The following LRRC4C variants were observed in gnomAD, a reference collection of about 807,000 sequenced individuals.
The protein encoded by LRRC4C is leucine-rich repeat-containing protein 4C.
Under a neutral mutation model 33.6 loss-of-function variants are expected in LRRC4C, and 5 were observed. The ratio of observed to expected loss-of-function variants is 0.15; its 90% CI spans 0.08 to 0.31. LRRC4C has a LOEUF of 0.31. Ranked by LOEUF, LRRC4C falls within the 10% of genes least tolerant of loss-of-function variation. The pLI is 1.00. For missense variants in LRRC4C, 560 were observed against 796.7 expected, an observed-to-expected ratio of 0.70 and a Z score of 3.58; for synonymous variants, 329 against 302.0, an observed-to-expected ratio of 1.09 and a Z score of -0.93.
At chr11:40,190,735 AT>A (rs1861769801) in intron 5 of LRRC4C, among the ~76,000 whole-genome samples, 1 of 152,178 alleles carries the variant, frequency 6.6e-6, no homozygotes, top group African/African-American at 2.4e-5. Context: ...GAAAGTAAGG[AT>A]TTCTTGAATA....
intron 3 of LRRC4C, among the ~76,000 whole-genome samples, chr11:40,383,928 TTATTA>T (rs1565336040): frequency 7.0e-6 from 1 of 143,412 alleles, no homozygotes; most frequent in African/African-American, 2.5e-5. Context: ...CAAATTATTA[TTATTA>T]TTATTATTAT....
intron 3 of LRRC4C, among the ~76,000 whole-genome samples, chr11:40,576,862 T>C (rs1431613714): frequency 1.3e-5 from 2 of 152,212 alleles, no homozygotes; most frequent in African/African-American, 4.8e-5. Flanking sequence ...TAATATTTAA[T>C]ACATAGTATG....
rs146756624 is a variant in LRRC4C at position 40,746,944 on chromosome 11, G to C, written c.-406-98666C>G. Among the ~76,000 whole-genome samples, 208 of 152,292 alleles carry C rather than the reference G, an allele frequency of 1.4e-3. 2 individuals are homozygous for C. Among genetic ancestry groups the C allele is most frequent in the African/African-American group, 4.9e-3 (203 of 41,564 alleles). On this transcript the variant is annotated intron_variant, in intron 2 of 6. Transcript: ENST00000528697. ...CCTGCCACTGCCACTGTTATCACCC[G>C]TGCCTCACCAGCTGCCTAGGGGCCT...
intron 5 of LRRC4C, among the ~76,000 whole-genome samples, chr11:40,187,127 C>A (rs1429331692): frequency 2.0e-5 from 3 of 152,156 alleles, no homozygotes; most frequent in Non-Finnish European, 4.4e-5. Context: ...GAATAAATTT[C>A]AACCACTCAG....
intron 1 of LRRC4C, among the ~76,000 whole-genome samples, chr11:41,030,907 C>A (rs1856694938): frequency 6.6e-6 from 1 of 151,614 alleles, no homozygotes; most frequent in Non-Finnish European, 1.5e-5. Flanking sequence ...AGGTTTAAAA[C>A]CACTTAAAAA....
At chr11:41,187,809 C>A (rs1945763455) in intron 1 of LRRC4C, among the ~76,000 whole-genome samples, 1 of 152,196 alleles carries the variant, frequency 6.6e-6, no homozygotes, top group African/African-American at 2.4e-5. Flanking sequence ...CCACAACCTG[C>A]CCATCTGCAT....
At chr11:40,305,690 A>G (rs1944995450) in intron 4 of LRRC4C, among the ~76,000 whole-genome samples, 1 of 151,940 alleles carries the variant, frequency 6.6e-6, no homozygotes, top group African/African-American at 2.4e-5. Context: ...TGGGCTCTTA[A>G]GCCCAACACC....
chr11:41,142,645 A>G (rs1246447102), intron 1 of LRRC4C, among the ~76,000 whole-genome samples: 5 of 152,134 alleles, frequency 3.3e-5, no homozygotes, highest in Non-Finnish European at 7.4e-5. Context: ...TTGCAGAAAG[A>G]CTGATGTTAT....
chr11:40,881,742 C>T (rs1346993533), intron 2 of LRRC4C, among the ~76,000 whole-genome samples: 2 of 150,896 alleles, frequency 1.3e-5, no homozygotes, highest in African/African-American at 2.4e-5. Flanking sequence ...AAATTTTAAT[C>T]ACCTCTGTGA....
chr11:40,997,689 C>G (rs886133428), intron 1 of LRRC4C, among the ~76,000 whole-genome samples: 1 of 151,700 alleles, frequency 6.6e-6, no homozygotes, highest in African/African-American at 2.4e-5. Context: ...AGGTATGATT[C>G]CAAAAAAATA....
intron 3 of LRRC4C, among the ~76,000 whole-genome samples, chr11:40,359,889 T>C (rs544638487): frequency 1.3e-5 from 2 of 152,256 alleles, no homozygotes; most frequent in South Asian, 4.1e-4. Context: ...TCTGATATCA[T>C]AATGCCTATG....
intron 3 of LRRC4C, among the ~76,000 whole-genome samples, chr11:40,578,141 G>GTTTTTTTTTTT (rs1360920903): frequency 6.0e-5 from 3 of 50,136 alleles, no homozygotes; most frequent in African/African-American, 1.4e-4. Flanking sequence ...TTTTTTTTCG[G>GTTTTTTTTTTT]TTTTTTTTTT....
At chr11:40,511,291 G>C (rs146260664) in intron 3 of LRRC4C, among the ~76,000 whole-genome samples, 272 of 152,252 alleles carry the variant, frequency 1.8e-3, no homozygotes, top group African/African-American at 6.0e-3. Flanking sequence ...AAATGACTCC[G>C]TTCAGCAACT....
In LRRC4C at chr11:40,396,529, G is replaced by A. The variant is rs560445109; in HGVS notation, c.-269-76808C>T. Reference sequence around the variant, plus strand: ...ATGTTTGGAGTGGATAAGAGAGAGTGATGGAGAGGAATTAGGAGAAAATTA... The same window carrying A: ...ATGTTTGGAGTGGATAAGAGAGAGTAATGGAGAGGAATTAGGAGAAAATTA... On this transcript the variant is annotated intron_variant, in intron 3 of 6. Coordinates refer to ENST00000528697, the MANE Select transcript of LRRC4C (RefSeq NM_001258419.2). 3.3e-5 allele frequency among the ~76,000 whole-genome samples: 5 copies of A among 152,202 alleles called. No individual in the cohort carries two copies. In the South Asian group the frequency reaches 8.3e-4, roughly 25 times the overall value.
intron 1 of LRRC4C, among the ~76,000 whole-genome samples, chr11:40,997,559 AAGTT>A (rs1158804509): frequency 2.0e-5 from 3 of 152,136 alleles, no homozygotes; most frequent in South Asian, 2.1e-4. Flanking sequence ...TATTTTGAAA[AAGTT>A]AGTTGTGAAG....
intron 5 of LRRC4C, among the ~76,000 whole-genome samples, chr11:40,218,618 G>GTCTATCTATCTATC (rs1554977104): frequency 7.0e-6 from 1 of 141,886 alleles, no homozygotes; most frequent in African/African-American, 2.8e-5. Context: ...ATGTATGTAT[G>GTCTATCTATCTATC]TATGTATGTA....
chr11:41,177,604 G>T (rs1945261684), intron 1 of LRRC4C, among the ~76,000 whole-genome samples: 1 of 152,096 alleles, frequency 6.6e-6, no homozygotes, highest in Non-Finnish European at 1.5e-5. Context: ...TTCTGAATCA[G>T]GGCCTTCATT....
At chr11:40,985,249 A>G (rs1852914340) in intron 1 of LRRC4C, among the ~76,000 whole-genome samples, 1 of 152,138 alleles carries the variant, frequency 6.6e-6, no homozygotes, top group African/African-American at 2.4e-5. Flanking sequence ...CATTACAGAA[A>G]GAATGGCCAG....
chr11:40,567,116 T>C (rs1473802849), intron 3 of LRRC4C, among the ~76,000 whole-genome samples: 1 of 152,196 alleles, frequency 6.6e-6, no homozygotes, highest in Non-Finnish European at 1.5e-5. Flanking sequence ...ATGTGGAATA[T>C]ACTAACTAAA....
Sources: allele counts gnomAD v4.1 joint callset (sites outside exome capture counted in the v4.1 genomes callset), GRCh38; gene constraint gnomAD v4.1.1; transcripts MANE v1.5; gene names NCBI Gene and HGNC (gene_info 2026-07-23, HGNC 2026-07-21).